The following EPHX2 variants were observed in gnomAD, a reference collection of about 807,000 sequenced individuals.
EPHX2 encodes bifunctional epoxide hydrolase 2.
Under a neutral mutation model 78.7 loss-of-function variants are expected in EPHX2, and 74 were observed. The observed-to-expected ratio is 0.94, with a 90% CI of 0.78 to 1.14. EPHX2 has a LOEUF of 1.14. Ranked by LOEUF, EPHX2 falls within the 50% of genes most tolerant of loss-of-function variation. EPHX2 has a pLI of 0.00. For synonymous variants in EPHX2, 251 were observed against 255.2 expected, an observed-to-expected ratio of 0.98 and a Z score of 0.16; for missense variants, 715 against 702.5, an observed-to-expected ratio of 1.02 and a Z score of -0.20.
At position 27,506,968 on chromosome 8, in the gene EPHX2, G is replaced by A. The variant is rs1371697777; in HGVS notation, c.634G>A (p.Glu212Lys). ...LVQDTDTALKELEKVTGIQLL... is the reference protein window; with the variant it reads ...LVQDTDTALKKLEKVTGIQLL... ...CCAGGACACTGACACGGCCCTGAAA[G>A]AACTGGAGAAAGTGACCGGAATCCA... is the stretch of plus-strand genomic sequence containing the variant. Residue 212 changes from glutamate to lysine, a missense_variant, in exon 5 of 19, where the codon GAA becomes AAA. Glu to Lys is a moderately conservative substitution (Grantham distance 56). Transcript: ENST00000521400. 6.2e-7 allele frequency: 1 copy of A among 1,614,054 alleles called. No homozygotes were observed. Among genetic ancestry groups the A allele is most frequent in the South Asian group, 1.1e-5 (1 of 91,066 alleles).
chr8:27,524,197 T>C (rs780991932), intron 11 of EPHX2, among the ~76,000 whole-genome samples: 1 of 152,146 alleles, frequency 6.6e-6, no homozygotes, highest in Non-Finnish European at 1.5e-5. Context: ...CCTCCCAAAG[T>C]GCTGAGATTA....
At chr8:27,508,025 G>A (rs1279233022) in intron 5 of EPHX2, among the ~76,000 whole-genome samples, 1 of 152,192 alleles carries the variant, frequency 6.6e-6, no homozygotes, top group African/African-American at 2.4e-5. Flanking sequence ...CTAAGGCTGG[G>A]TGCAGTGGCT....
intron 16 of EPHX2, 59 bp downstream of exon 16, chr8:27,541,601 C>G (rs1815404371): frequency 1.3e-6 from 2 of 1,583,680 alleles, no homozygotes; most frequent in African/African-American, 2.7e-5. Flanking sequence ...GCGGGGCTTC[C>G]CATTGGCCTG....
At chr8:27,541,675 G>A in intron 16 of EPHX2, 133 bp downstream of exon 16, 1 of 914,916 alleles carries the variant, frequency 1.1e-6, no homozygotes, top group Non-Finnish European at 1.7e-6. Flanking sequence ...CTTTCCCTTT[G>A]GGGTTTGGGA....
intron 10 of EPHX2, among the ~76,000 whole-genome samples, chr8:27,521,348 T>G (rs1341120875): frequency 6.6e-6 from 1 of 152,198 alleles, no homozygotes; most frequent in Admixed American, 6.5e-5. Context: ...GAGCTGAGAA[T>G]GCGCTTTTGC....
intron 11 of EPHX2, among the ~76,000 whole-genome samples, chr8:27,523,017 G>A (rs988767338): frequency 1.3e-5 from 2 of 150,804 alleles, no homozygotes; most frequent in South Asian, 2.1e-4. Context: ...GTTAGGAAGC[G>A]GCACCTGTTC....
At chr8:27,519,737 G>A (rs1042398495) in intron 9 of EPHX2, among the ~76,000 whole-genome samples, 3 of 152,154 alleles carry the variant, frequency 2.0e-5, no homozygotes, top group Non-Finnish European at 4.4e-5. Context: ...TCACAGTTTT[G>A]GAGGCTGGAA....
At chr8:27,525,122 G>GCGCGCGCA (rs1554523148) in intron 11 of EPHX2, among the ~76,000 whole-genome samples, 1 of 150,356 alleles carries the variant, frequency 6.7e-6, no homozygotes, top group Non-Finnish European at 1.5e-5. Context: ...GCGCGCGCGC[G>GCGCGCGCA]CACCTATGTG....
intron 1 of EPHX2, among the ~76,000 whole-genome samples, chr8:27,499,981 C>T (rs893987745): frequency 6.6e-6 from 1 of 152,190 alleles, no homozygotes; most frequent in African/African-American, 2.4e-5. Flanking sequence ...GACCCACTCT[C>T]CAAATACAGT....
rs72478908 is a variant in EPHX2, at chr8:27,544,087, C to A, written c.1531-99C>A. The A allele has an allele frequency of 4.3e-3, 5,986 of 1,401,288 alleles. 188 individuals are homozygous for A. In the African/African-American group the frequency reaches 0.072, roughly 17 times the overall value. 86.8% of individuals were successfully genotyped at this position (1,401,288 alleles called of 1,614,324 possible). Reference sequence around the variant, plus strand: ...TGCAGGGTTTGGGCAGGGTGGCCTGCGGGGAGCAGAGAGAAGGCGTCCATT... The same window carrying A: ...TGCAGGGTTTGGGCAGGGTGGCCTGAGGGGAGCAGAGAGAAGGCGTCCATT... On this transcript the variant is annotated intron_variant, in intron 17 of 18. Transcript: ENST00000521400.
intron 9 of EPHX2, 70 bp downstream of exon 9, chr8:27,518,142 A>G: frequency 7.5e-7 from 1 of 1,337,662 alleles, no homozygotes; most frequent in Non-Finnish European, 1.0e-6. Flanking sequence ...AAGCTGGGGT[A>G]TCCATTCAAA....
chr8:27,506,989 A>G lies in EPHX2; in HGVS notation c.655A>G (p.Ile219Val). ...ALKELEKVTGIQLLNTPAPLP... is the reference protein window; with the variant it reads ...ALKELEKVTGVQLLNTPAPLP... The stretch of plus-strand genomic sequence containing the variant: ...GAAAGAACTGGAGAAAGTGACCGGA[A>G]TCCAGGTAACTTGACTTCTGAGCGA... The change falls in exon 5 of 19, where the codon ATC becomes GTC. Residue 219 changes from isoleucine (I) to valine (V), a missense_variant. Physicochemically the swap from Ile to Val is conservative, Grantham distance 29. Transcript: ENST00000521400. 1 of 1,613,838 alleles carries G rather than the reference A, an allele frequency of 6.2e-7. No homozygotes were observed. Among genetic ancestry groups the G allele is most frequent in the Non-Finnish European group, 8.5e-7 (1 of 1,179,982 alleles).
In EPHX2 at chr8:27,509,317, G is replaced by A. The variant is rs573162834; in HGVS notation, c.660+2323G>A. 3.9e-4 allele frequency among the ~76,000 whole-genome samples: 59 copies of A among 152,278 alleles called. No individual in the cohort carries two copies. In the South Asian group the frequency reaches 5.0e-3, roughly 13 times the overall value. On this transcript the variant is annotated intron_variant, in intron 5 of 18. Transcript: ENST00000521400. ...GTTGCTTTTGCCTTTTGGCTATTGGGAATAGTGCTGCTATGAATGTGAGTG... is the reference window on the plus strand; with the variant it reads ...GTTGCTTTTGCCTTTTGGCTATTGGAAATAGTGCTGCTATGAATGTGAGTG...
intron 12 of EPHX2, among the ~76,000 whole-genome samples, chr8:27,529,990 GT>G (rs1814979529): frequency 6.6e-6 from 1 of 151,834 alleles, no homozygotes; most frequent in Non-Finnish European, 1.5e-5. Context: ...AAGAAAAATT[GT>G]AGGCAGAAGG....
chr8:27,537,912 A>T (rs1415972426), intron 13 of EPHX2, among the ~76,000 whole-genome samples: 1 of 152,090 alleles, frequency 6.6e-6, no homozygotes, highest in Non-Finnish European at 1.5e-5. Context: ...CTTCAGCAGT[A>T]CTTAATCTGT....
At chr8:27,497,863 C>G (rs1813631005) in intron 1 of EPHX2, among the ~76,000 whole-genome samples, 1 of 152,214 alleles carries the variant, frequency 6.6e-6, no homozygotes, top group Non-Finnish European at 1.5e-5. Context: ...TCCCCATGAT[C>G]TGAGTCTAGG....
At chr8:27,546,660 C>T (rs1194370683), downstream of EPHX2, among the ~76,000 whole-genome samples, 2 of 152,208 alleles carry the variant, frequency 1.3e-5, no homozygotes, top group East Asian at 3.8e-4. Flanking sequence ...CCGAAAGTCT[C>T]GCTTTTAATA....
chr8:27,498,006 G>T (rs1462691366), intron 1 of EPHX2, among the ~76,000 whole-genome samples: 1 of 152,168 alleles, frequency 6.6e-6, no homozygotes, highest in Admixed American at 6.5e-5. Context: ...TCAGGCTGCA[G>T]CTAAAGCCGC....
rs776509267 is a variant in EPHX2 at position 27,491,213 on chromosome 8, C to T, written c.5C>T (p.Thr2Met). The change falls in exon 1 of 19, where the codon ACG becomes ATG. Residue 2 changes from threonine to methionine, a missense_variant. Physicochemically the swap from Thr to Met is moderately conservative, Grantham distance 81. Coordinates refer to ENST00000521400, the MANE Select transcript of EPHX2 (RefSeq NM_001979.6). M[T>M]LRAAVFDLDG... is the part of the protein sequence containing the mutation. ...CTAGGCTGCAGACCCGCCGCCATGACGCTGCGCGCGGCCGTCTTCGACCTT... is the reference window on the plus strand; with the variant it reads ...CTAGGCTGCAGACCCGCCGCCATGATGCTGCGCGCGGCCGTCTTCGACCTT... The T allele has an allele frequency of 8.2e-6, 13 of 1,581,270 alleles. No homozygotes were observed. In the South Asian group the frequency reaches 1.2e-4, roughly 15 times the overall value.
Sources: gnomAD v4.1 joint callset for allele counts (sites outside exome capture counted in the v4.1 genomes callset) on GRCh38, gnomAD v4.1.1 for gene constraint, MANE v1.5 for transcripts, NCBI Gene and HGNC (gene_info 2026-07-23, HGNC 2026-07-21) for gene names.